PCDHA12: variants seen among roughly 807,000 people sequenced by gnomAD.
PCDHA12 encodes protocadherin alpha-12.
Under a neutral mutation model 60.0 loss-of-function variants are expected in PCDHA12, and 44 were observed. That is an observed-to-expected ratio of 0.73 (90% CI 0.58 to 0.94). PCDHA12 has a LOEUF of 0.94. PCDHA12 is among the 40% of genes least tolerant of loss of function. PCDHA12 has a pLI of 0.00. For synonymous variants in PCDHA12, 569 were observed against 553.0 expected, an observed-to-expected ratio of 1.03 and a Z score of -0.40; for missense variants, 1,276 against 1,239.7, an observed-to-expected ratio of 1.03 and a Z score of -0.44.
intron 1 of PCDHA12, chr5:140,882,794 G>C: frequency 6.2e-7 from 1 of 1,614,188 alleles, no homozygotes; most frequent in Non-Finnish European, 8.5e-7. Context: ...GGATCCCAAC[G>C]ATTATTTCAC....
Position 140,877,714 on chromosome 5 carries a change from T to G in PCDHA12, c.2242T>G (p.Trp748Gly), listed in dbSNP as rs781999747. 3.1e-6 allele frequency: 5 copies of G among 1,613,836 alleles called. No homozygotes were observed. The highest frequency in any genetic ancestry group is 4.2e-6 in the Non-Finnish European group (5 of 1,179,978). ...TLVCSSAVGS[W>G]SYSQQRRQRV... ...GGTGTGCTCCAGCGCCGTGGGGAGTTGGTCTTACTCGCAGCAGAGGAGGCA... is the reference window on the plus strand; with the variant it reads ...GGTGTGCTCCAGCGCCGTGGGGAGTGGGTCTTACTCGCAGCAGAGGAGGCA... Residue 748 changes from tryptophan (W) to glycine (G), a missense_variant, in exon 1 of 4, where the codon TGG becomes GGG. Trp to Gly is a radical substitution (Grantham distance 184, BLOSUM62 -2). Coordinates refer to ENST00000398631, the MANE Select transcript of PCDHA12 (RefSeq NM_018903.4).
intron 2 of PCDHA12, 87 bp downstream of exon 2, chr5:140,979,094 T>C (rs1203462119): frequency 6.4e-7 from 1 of 1,551,870 alleles, no homozygotes; most frequent in Non-Finnish European, 8.7e-7. Flanking sequence ...CAGAAGCAGC[T>C]GTCAAAACTA....
intron 1 of PCDHA12, among the ~76,000 whole-genome samples, chr5:140,935,064 T>C (rs782620164): frequency 5.9e-5 from 9 of 152,252 alleles, no homozygotes; most frequent in Admixed American, 2.0e-4. Flanking sequence ...GATGTTCAGA[T>C]TATCTTGTAC....
intron 1 of PCDHA12, among the ~76,000 whole-genome samples, chr5:140,914,408 T>C (rs917953173): frequency 6.6e-6 from 1 of 152,224 alleles, no homozygotes; most frequent in Non-Finnish European, 1.5e-5. Context: ...GCTCCTGTTT[T>C]GTTTCCATTA....
At chr5:140,882,677 A>C (rs782476966) in intron 1 of PCDHA12, 1 of 1,614,214 alleles carries the variant, frequency 6.2e-7, no homozygotes. Context: ...CCCTGAAAGC[A>C]AGAAACGAAT....
chr5:140,957,038 C>T (rs534661886), intron 1 of PCDHA12, among the ~76,000 whole-genome samples: 1 of 152,048 alleles, frequency 6.6e-6, no homozygotes, highest in South Asian at 2.1e-4. Context: ...TTATGGGAGT[C>T]ATATAAAATA....
intron 1 of PCDHA12, among the ~76,000 whole-genome samples, chr5:140,885,868 A>G (rs1347875524): frequency 6.6e-6 from 1 of 152,202 alleles, no homozygotes; most frequent in Admixed American, 6.5e-5. Context: ...TCTATTGAAA[A>G]AAAATTTTTA....
intron 1 of PCDHA12, among the ~76,000 whole-genome samples, chr5:140,905,776 G>A (rs190550917): frequency 2.4e-3 from 372 of 152,186 alleles, no homozygotes; most frequent in Non-Finnish European, 4.1e-3. Context: ...ATTCCGAAGT[G>A]TATTAGTCAG....
rs966554278 is a variant in PCDHA12 at position 140,906,071 on chromosome 5, G to A, written c.2367+28232G>A. On this transcript the variant is annotated intron_variant, in intron 1 of 3. Coordinates refer to ENST00000398631, the MANE Select transcript of PCDHA12 (RefSeq NM_018903.4). ...GGCTGCACTGGCAGCTGATTAGATCGCACCCACCCAGACTGAGAGTAAGTG... is the reference window on the plus strand; with the variant it reads ...GGCTGCACTGGCAGCTGATTAGATCACACCCACCCAGACTGAGAGTAAGTG... 9.2e-5 allele frequency among the ~76,000 whole-genome samples: 14 copies of A among 152,200 alleles called. 1 individual carries two copies. The highest frequency in any genetic ancestry group is 3.9e-4 in the Admixed American group (6 of 15,286).
intron 1 of PCDHA12, among the ~76,000 whole-genome samples, chr5:140,889,913 T>C (rs1287325026): frequency 6.6e-6 from 1 of 152,172 alleles, no homozygotes; most frequent in Admixed American, 6.5e-5. Context: ...ATTGTCATAC[T>C]GTAAAGAAGC....
rs1314972050 is a variant in PCDHA12, at chr5:141,011,103, T to A, written c.*1166T>A. 6.5e-6 allele frequency: 1 copy of A among 153,762 alleles called. No individual in the cohort carries two copies. Among genetic ancestry groups the A allele is most frequent in the Non-Finnish European group, 1.5e-5 (1 of 68,036 alleles). The allele number at this position is 153,762 out of a possible 1,614,324, so 9.5% of individuals were successfully genotyped here. A position where few individuals can be genotyped will look rare whatever the true frequency, so the allele number is the denominator to read the frequency against. On this transcript the variant is annotated 3_prime_UTR_variant, in exon 4 of 4. Coordinates refer to ENST00000398631, the MANE Select transcript of PCDHA12 (RefSeq NM_018903.4). ...TGATCTCTCTTTCTCTCTCTCTCTC[T>A]CTTTTCTAAGAAACAATTATGTGCA... is the stretch of plus-strand genomic sequence containing the variant.
rs116814228 is a variant in PCDHA12, at chr5:140,916,284, C to T, written c.2367+38445C>T. ...AGAGCATGCTTGTTGCTCTACTCCACGTGGCCAAACTGGTACCAAAGGTGC... is the reference window on the plus strand; with the variant it reads ...AGAGCATGCTTGTTGCTCTACTCCATGTGGCCAAACTGGTACCAAAGGTGC... On this transcript the variant is annotated intron_variant, in intron 1 of 3. Coordinates refer to ENST00000398631, the MANE Select transcript of PCDHA12 (RefSeq NM_018903.4). Among the ~76,000 whole-genome samples the T allele has an allele frequency of 8.7e-3, 1,322 of 152,308 alleles. 14 individuals carry two copies. The highest frequency in any genetic ancestry group is 0.03 in the African/African-American group (1,254 of 41,566).
intron 1 of PCDHA12, among the ~76,000 whole-genome samples, chr5:140,919,693 T>C (rs1383014744): frequency 6.6e-6 from 1 of 152,234 alleles, no homozygotes; most frequent in Admixed American, 6.5e-5. Context: ...TTCAGATTTA[T>C]ATTAACTTAA....
At chr5:140,978,798 G>T (rs1249216156) in intron 1 of PCDHA12, 151 bp from the exon 2 acceptor site, 2 of 1,477,414 alleles carry the variant, frequency 1.4e-6, no homozygotes, top group Admixed American at 2.3e-5. Context: ...TATATATGTA[G>T]ATATCATCAT....
At chr5:140,883,417 A>C in intron 1 of PCDHA12, 3 of 1,614,146 alleles carry the variant, frequency 1.9e-6, no homozygotes, top group Non-Finnish European at 2.5e-6. Flanking sequence ...GCTCAAATGG[A>C]CAGGTCACCT....
At position 140,928,086 on chromosome 5, in the gene PCDHA12, G is replaced by A. The variant is rs17844363; in HGVS notation, c.2367+50247G>A. The A allele has an allele frequency of 1.9e-4, 304 of 1,614,206 alleles. No homozygotes were observed. The East Asian group carries it at 3.7e-3, about 20-fold the overall frequency. On this transcript the variant is annotated intron_variant, in intron 1 of 3. Transcript: ENST00000398631. ...CCTTTGACAACTACTACAGCCTGCT[G>A]ATTGATGGGCCCCTGGACCGGGAGC...
intron 1 of PCDHA12, among the ~76,000 whole-genome samples, chr5:140,938,387 A>G (rs2092042874): frequency 6.6e-6 from 1 of 152,220 alleles, no homozygotes. Flanking sequence ...AATATTTAAT[A>G]TGAAATACAT....
intron 1 of PCDHA12, chr5:140,883,969 G>C: frequency 6.2e-7 from 1 of 1,612,962 alleles, no homozygotes; most frequent in Non-Finnish European, 8.5e-7. Context: ...CGCTGCTGAC[G>C]CCCGGGGCTG....
intron 1 of PCDHA12, among the ~76,000 whole-genome samples, chr5:140,950,427 C>T (rs393858): frequency 0.56 from 85,078 of 151,138 alleles, 24,477 homozygotes; most frequent in African/African-American, 0.69. Flanking sequence ...TTTTCTTCCA[C>T]TTAAAAAAAA....
Sources: gnomAD v4.1 joint callset for allele counts (sites outside exome capture counted in the v4.1 genomes callset) on GRCh38, gnomAD v4.1.1 for gene constraint, MANE v1.5 for transcripts, NCBI Gene and HGNC (gene_info 2026-07-23, HGNC 2026-07-21) for gene names.